GPC5: variants seen among roughly 807,000 people sequenced by gnomAD.
GPC5 encodes glypican 5.
In GPC5, 47 loss-of-function variants were observed where a neutral mutation model predicts 53.9. That is an observed-to-expected ratio of 0.87 (90% CI 0.69 to 1.11). The LOEUF is 1.11. Ranked by LOEUF, GPC5 falls within the 50% of genes most tolerant of loss-of-function variation. GPC5 has a pLI of 0.00. For synonymous variants in GPC5, 286 were observed against 263.3 expected (o/e 1.09, Z -0.84); for missense variants, 748 against 713.1 (o/e 1.05, Z -0.56).
intron 6 of GPC5, among the ~76,000 whole-genome samples, chr13:92,091,457 T>A (rs184068281): frequency 6.6e-6 from 1 of 152,106 alleles, no homozygotes; most frequent in African/African-American, 2.4e-5. Context: ...TTATTTTGAC[T>A]TATTTATTTA....
At chr13:92,274,653 C>A (rs894223903) in intron 7 of GPC5, among the ~76,000 whole-genome samples, 14 of 152,070 alleles carry the variant, frequency 9.2e-5, no homozygotes, top group African/African-American at 3.1e-4. Context: ...CACTGAAAAG[C>A]TAAAATGGGG....
intron 6 of GPC5, among the ~76,000 whole-genome samples, chr13:92,035,448 T>G (rs2040885443): frequency 6.6e-6 from 1 of 152,184 alleles, no homozygotes; most frequent in African/African-American, 2.4e-5. Flanking sequence ...GTTAACTGTC[T>G]TGTCCCAATT....
At chr13:91,619,303 C>T (rs889324829) in intron 2 of GPC5, among the ~76,000 whole-genome samples, 9 of 151,984 alleles carry the variant, frequency 5.9e-5, no homozygotes, top group African/African-American at 2.2e-4. Flanking sequence ...GTCCAAGACC[C>T]ATTTATTTGT....
chr13:92,635,405 A>C (rs1036082008), intron 7 of GPC5, among the ~76,000 whole-genome samples: 3 of 152,180 alleles, frequency 2.0e-5, no homozygotes, highest in African/African-American at 4.8e-5. Context: ...CAGCATGTAG[A>C]CAGGGATTTC....
intron 6 of GPC5, among the ~76,000 whole-genome samples, chr13:91,954,487 G>GA (rs1275595508): frequency 6.6e-6 from 1 of 152,024 alleles, no homozygotes; most frequent in Admixed American, 6.5e-5. Flanking sequence ...AAGTAGAGGA[G>GA]AAAATGTATA....
At chr13:91,401,030 A>T (rs1876911028) in intron 1 of GPC5, among the ~76,000 whole-genome samples, 2 of 152,186 alleles carry the variant, frequency 1.3e-5, no homozygotes, top group Admixed American at 6.5e-5. Flanking sequence ...GCTGAAGGTG[A>T]TGGAGGAATC....
chr13:91,943,236 G>C (rs2039944274), intron 6 of GPC5, among the ~76,000 whole-genome samples: 2 of 152,014 alleles, frequency 1.3e-5, no homozygotes, highest in South Asian at 4.1e-4. Context: ...ATAAAACAAA[G>C]TATTTGATTA....
intron 2 of GPC5, among the ~76,000 whole-genome samples, chr13:91,538,737 G>C (rs9589284): frequency 0.022 from 3,279 of 151,636 alleles, 116 homozygotes; most frequent in African/African-American, 0.073. Flanking sequence ...TGCCCGCCAC[G>C]ACGCTGGGCT....
At chr13:91,971,184 T>C (rs996480393) in intron 6 of GPC5, among the ~76,000 whole-genome samples, 12 of 152,150 alleles carry the variant, frequency 7.9e-5, no homozygotes, top group Non-Finnish European at 1.5e-4. Context: ...TTCTTCTTGG[T>C]TTAGTCTTGG....
intron 7 of GPC5, among the ~76,000 whole-genome samples, chr13:92,221,175 G>A (rs2042445695): frequency 6.6e-6 from 1 of 152,156 alleles, no homozygotes; most frequent in African/African-American, 2.4e-5. Flanking sequence ...TATACTGCTA[G>A]GGTCAATTTA....
chr13:92,324,065 C>A (rs1237671801), intron 7 of GPC5, among the ~76,000 whole-genome samples: 2 of 151,686 alleles, frequency 1.3e-5, no homozygotes, highest in East Asian at 1.9e-4. Flanking sequence ...TCAAGTGTAA[C>A]CTATGGATTT....
At chr13:92,756,457 C>G (rs1411409955) in intron 7 of GPC5, among the ~76,000 whole-genome samples, 2 of 151,936 alleles carry the variant, frequency 1.3e-5, no homozygotes, top group African/African-American at 4.8e-5. Context: ...TCCTATTCAA[C>G]ATAGTGTTGG....
intron 6 of GPC5, among the ~76,000 whole-genome samples, chr13:92,033,022 G>C (rs534350687): frequency 1.2e-4 from 17 of 144,052 alleles, no homozygotes; most frequent in Non-Finnish European, 2.1e-4. Context: ...TCTTCTGCCC[G>C]GGCTAGTTAT....
At chr13:92,463,493 A>T (rs935753530) in intron 7 of GPC5, among the ~76,000 whole-genome samples, 1 of 152,162 alleles carries the variant, frequency 6.6e-6, no homozygotes, top group Non-Finnish European at 1.5e-5. Context: ...ACCCCTGATC[A>T]CTCATTAGCA....
chr13:92,127,035 T>C (rs1454215903), intron 6 of GPC5, among the ~76,000 whole-genome samples: 1 of 152,104 alleles, frequency 6.6e-6, no homozygotes, highest in Admixed American at 6.6e-5. Flanking sequence ...TATTTTTTTT[T>C]CCTAATGGTT....
intron 2 of GPC5, among the ~76,000 whole-genome samples, chr13:91,683,956 T>C (rs2035565253): frequency 6.6e-6 from 1 of 152,234 alleles, no homozygotes; most frequent in African/African-American, 2.4e-5. Flanking sequence ...CATATTCTGC[T>C]GAAGCAGCTG....
chr13:92,317,675 T>G (rs899718621), intron 7 of GPC5, among the ~76,000 whole-genome samples: 4 of 151,826 alleles, frequency 2.6e-5, no homozygotes, highest in African/African-American at 7.3e-5. Context: ...TTTATTTTTT[T>G]ATTTTTACTA....
intron 6 of GPC5, among the ~76,000 whole-genome samples, chr13:92,127,671 G>A (rs1481355756): frequency 6.6e-6 from 1 of 152,194 alleles, no homozygotes; most frequent in Non-Finnish European, 1.5e-5. Context: ...CACATGCCTA[G>A]TACAGGGACA....
chr13:91,743,243 A>AT (rs1177373438), intron 4 of GPC5, among the ~76,000 whole-genome samples: 8 of 151,956 alleles, frequency 5.3e-5, no homozygotes, highest in South Asian at 2.1e-4. Context: ...TGTTGTTACA[A>AT]TTTTTTTTAC....
Sources: gnomAD v4.1 joint callset for allele counts (sites outside exome capture counted in the v4.1 genomes callset) on GRCh38, gnomAD v4.1.1 for gene constraint, MANE v1.5 for transcripts, NCBI Gene and HGNC (gene_info 2026-07-23, HGNC 2026-07-21) for gene names.